Variants in EPB41L5 observed in about 807,000 individuals in gnomAD.
EPB41L5 encodes band 4.1-like protein 5.
EPB41L5 carries 55 observed loss-of-function variants against 106.6 expected under a neutral mutation model. The ratio of observed to expected loss-of-function variants is 0.52; its 90% confidence interval spans 0.42 to 0.65. EPB41L5 has a LOEUF of 0.65. Among genes scored for constraint, EPB41L5 ranks in the 30% least tolerant of loss-of-function variants. The pLI, the probability that EPB41L5 is intolerant of heterozygous loss-of-function variation, is 0.00. For synonymous variants in EPB41L5, 297 were observed against 306.7 expected (o/e 0.97, Z 0.33); for missense variants, 871 against 882.1 (o/e 0.99, Z 0.16).
chr2:120,108,081 C>T (rs1684552300), intron 16 of EPB41L5: 1 of 151,918 alleles, frequency 6.6e-6, no homozygotes, highest in Non-Finnish European at 1.5e-5. Context: ...TCCTGTTCTT[C>T]CTGAAGGAAT....
chr2:120,134,597 AAG>A (rs1317709308), intron 18 of EPB41L5, among the ~76,000 whole-genome samples: 1 of 152,158 alleles, frequency 6.6e-6, no homozygotes, highest in Non-Finnish European at 1.5e-5. Flanking sequence ...GCTCACTGAG[AAG>A]AGAGAGACTT....
intron 18 of EPB41L5, among the ~76,000 whole-genome samples, chr2:120,132,809 T>G (rs1685760401): frequency 6.6e-6 from 1 of 151,356 alleles, no homozygotes; most frequent in African/African-American, 2.4e-5. Flanking sequence ...TAATAACTAA[T>G]GGAAATTTAG....
intron 21 of EPB41L5, among the ~76,000 whole-genome samples, chr2:120,162,104 A>T (rs566336569): frequency 2.1e-4 from 32 of 152,344 alleles, no homozygotes; most frequent in African/African-American, 7.7e-4. Context: ...TGCTGGGATT[A>T]TAGGCAGCCT....
intron 3 of EPB41L5, among the ~76,000 whole-genome samples, chr2:120,072,357 G>GGAA (rs1352594665): frequency 1.3e-5 from 2 of 152,186 alleles, no homozygotes; most frequent in African/African-American, 4.8e-5. Flanking sequence ...CAACCATTGT[G>GGAA]GAAGACAGTG....
intron 20 of EPB41L5, among the ~76,000 whole-genome samples, chr2:120,151,385 C>T (rs537769418): frequency 6.6e-6 from 1 of 152,060 alleles, no homozygotes; most frequent in African/African-American, 2.4e-5. Flanking sequence ...AAGATAAATA[C>T]ACAAAAATCA....
chr2:120,030,764 A>G (rs1263072832), intron 2 of EPB41L5, among the ~76,000 whole-genome samples: 2 of 152,014 alleles, frequency 1.3e-5, no homozygotes, highest in South Asian at 2.1e-4. Context: ...CATATTGGCC[A>G]GGCTGGTCTC....
At chr2:120,043,546 CA>C (rs897296750) in intron 3 of EPB41L5, among the ~76,000 whole-genome samples, 1 of 140,868 alleles carries the variant, frequency 7.1e-6, no homozygotes, top group East Asian at 2.1e-4. Flanking sequence ...GACCCTGTCT[CA>C]AAAAAAACAA....
chr2:120,113,827 A>G, intron 16 of EPB41L5, among the ~76,000 whole-genome samples: 1 of 152,162 alleles, frequency 6.6e-6, no homozygotes, highest in East Asian at 1.9e-4. Context: ...CTGTTTTAGC[A>G]TGTATTAGTA....
At position 120,148,229 on chromosome 2, in the gene EPB41L5, T is replaced by C. The variant is rs1022325827; in HGVS notation, c.1793+1940T>C. On this transcript the variant is annotated intron_variant, in intron 20 of 24. Coordinates refer to ENST00000263713, the MANE Select transcript of EPB41L5 (RefSeq NM_020909.4). Reference sequence around the variant, plus strand: ...TACACAATTCAGTAATTTTACAAAATTGTGCAACCATTACCACTATAATAA... The same window carrying C: ...TACACAATTCAGTAATTTTACAAAACTGTGCAACCATTACCACTATAATAA... Among the ~76,000 whole-genome samples the C allele has an allele frequency of 2.0e-5, 3 of 152,088 alleles. No individual in the cohort carries two copies. The East Asian group carries it at 5.8e-4, about 29-fold the overall frequency.
rs138070745 is a variant in EPB41L5, at chr2:120,050,634, G to A, written c.285+8524G>A. ...TCCTTTAGCTCGGAGAAGTTTGATC[G>A]TCTGAAGCCTACTTCTCGCAACTTG... On this transcript the variant is annotated intron_variant, in intron 3 of 24. Coordinates refer to ENST00000263713, the MANE Select transcript of EPB41L5 (RefSeq NM_020909.4). Among the ~76,000 whole-genome samples, 556 of 152,176 alleles carry A rather than the reference G, an allele frequency of 3.7e-3. 1 individual carries two copies. The highest frequency in any genetic ancestry group is 0.013 in the African/African-American group (525 of 41,544).
intron 21 of EPB41L5, among the ~76,000 whole-genome samples, chr2:120,162,998 A>G (rs887932732): frequency 1.3e-5 from 2 of 152,212 alleles, no homozygotes; most frequent in African/African-American, 4.8e-5. Flanking sequence ...GCTCATGCCT[A>G]TAAGCCAGCA....
intron 16 of EPB41L5, among the ~76,000 whole-genome samples, chr2:120,113,526 G>A (rs970065626): frequency 6.6e-6 from 1 of 152,202 alleles, no homozygotes; most frequent in Admixed American, 6.5e-5. Flanking sequence ...ATAATATTAT[G>A]TGTAACTACG....
intron 20 of EPB41L5, among the ~76,000 whole-genome samples, chr2:120,146,836 G>C (rs1035721536): frequency 2.0e-5 from 3 of 152,156 alleles, no homozygotes; most frequent in Admixed American, 2.0e-4. Context: ...GTTAAAAAAT[G>C]TTGAGCAAAT....
At chr2:120,105,286 G>GA (rs1271271689) in intron 16 of EPB41L5, 1 of 967,684 alleles carries the variant, frequency 1.0e-6, no homozygotes, top group African/African-American at 1.8e-5. Flanking sequence ...TTATATTTTA[G>GA]AAAAATTTTC....
intron 2 of EPB41L5, among the ~76,000 whole-genome samples, chr2:120,022,076 G>A (rs964557986): frequency 1.3e-5 from 2 of 152,184 alleles, no homozygotes. Flanking sequence ...AAATACGACA[G>A]TAAACTTGTT....
intron 3 of EPB41L5, among the ~76,000 whole-genome samples, chr2:120,044,757 T>G (rs528341281): frequency 2.0e-5 from 3 of 152,318 alleles, no homozygotes; most frequent in South Asian, 2.1e-4. Flanking sequence ...AAGCCAGGAT[T>G]AGAATATTTA....
rs183386629 is a variant in EPB41L5, at chr2:120,091,223, A to T, written c.1044-332A>T. On this transcript the variant is annotated intron_variant, in intron 12 of 24. Coordinates refer to ENST00000263713, the MANE Select transcript of EPB41L5 (RefSeq NM_020909.4). Reference sequence around the variant, plus strand: ...ACAATTAGAAAAAGTAACTGAAAATATTCTTTTAATTACACACTTTGCACT... The same window carrying T: ...ACAATTAGAAAAAGTAACTGAAAATTTTCTTTTAATTACACACTTTGCACT... Among the ~76,000 whole-genome samples the T allele has an allele frequency of 2.4e-4, 37 of 152,368 alleles. No individual in the cohort carries two copies. The East Asian group carries it at 6.7e-3, about 28-fold the overall frequency.
rs1687969627 is a variant in EPB41L5 at position 120,177,724 on chromosome 2, ATTGTT to A, written c.*2820_*2824del. 1 of 152,158 alleles carries A rather than the reference ATTGTT, an allele frequency of 6.6e-6. No individual in the cohort carries two copies. Among genetic ancestry groups the A allele is most frequent in the Non-Finnish European group, 1.5e-5 (1 of 68,034 alleles). The allele number at this position is 152,158 out of a possible 1,614,324, so 9.4% of individuals were successfully genotyped here. A position where few individuals can be genotyped will look rare whatever the true frequency, so the allele number is the denominator to read the frequency against. Reference sequence around the variant, plus strand: ...GTGCTTACTTCCTTAACATTTATACATTGTTTTAAGAAAAAACTTTTAAAAATATT... The same window carrying A: ...GTGCTTACTTCCTTAACATTTATACATTAAGAAAAAACTTTTAAAAATATT... On this transcript the variant is annotated 3_prime_UTR_variant, in exon 25 of 25. Transcript: ENST00000263713.
chr2:120,037,621 A>G (rs1316519650), intron 2 of EPB41L5, among the ~76,000 whole-genome samples: 1 of 152,128 alleles, frequency 6.6e-6, no homozygotes, highest in Non-Finnish European at 1.5e-5. Context: ...GTTCAAGACC[A>G]GGCTGAGCAA....
Sources: gnomAD v4.1 joint callset for allele counts (sites outside exome capture counted in the v4.1 genomes callset) on GRCh38, gnomAD v4.1.1 for gene constraint, MANE v1.5 for transcripts, NCBI Gene and HGNC (gene_info 2026-07-23, HGNC 2026-07-21) for gene names.